Variants in SCN2A observed in about 807,000 individuals in gnomAD.
SCN2A encodes the protein sodium channel protein type 2 subunit alpha.
In SCN2A, 20 loss-of-function variants were observed where a neutral mutation model predicts 188.7. The observed-to-expected ratio is 0.11, with a 90% CI of 0.07 to 0.15. The LOEUF (loss-of-function observed/expected upper bound fraction) is 0.15. Among genes scored for constraint, SCN2A ranks in the 10% least tolerant of loss-of-function variants. The pLI is 1.00. For synonymous variants in SCN2A, 804 were observed against 833.1 expected (o/e 0.97, Z 0.60); for missense variants, 1,278 against 2,445.0 (o/e 0.52, Z 10.07).
chr2:165,338,636 A>G (rs1699144161), intron 14 of SCN2A, among the ~76,000 whole-genome samples: 2 of 152,204 alleles, frequency 1.3e-5, no homozygotes, highest in Admixed American at 1.3e-4. Context: ...TGAACACAGA[A>G]GCAAAAAATC....
At chr2:165,368,832 G>C (rs913911809) in intron 19 of SCN2A, among the ~76,000 whole-genome samples, 1 of 152,084 alleles carries the variant, frequency 6.6e-6, no homozygotes, top group Non-Finnish European at 1.5e-5. Context: ...GGATCTGGAG[G>C]CCTCTAAGGC....
chr2:165,327,157 T>A (rs1574601142), intron 13 of SCN2A, 173 bp downstream of exon 13: 3 of 259,916 alleles, frequency 1.2e-5, no homozygotes, highest in Non-Finnish European at 1.8e-5. Context: ...TTCCACAGAT[T>A]TTTTTTTTTT....
rs965471207 is a variant in SCN2A at position 165,350,421 on chromosome 2, C to CAGG, written c.2920-3769_2920-3767dup. Among the ~76,000 whole-genome samples, 5 of 148,434 alleles carry CAGG rather than the reference C, an allele frequency of 3.4e-5. No individual in the cohort carries two copies. In the East Asian group the frequency reaches 8.1e-4, roughly 24 times the overall value. ...GCTAGCACATTTGTGAAACAGGATT[C>CAGG]AGGATTTCAGTCCCTGAGTGAGCTT... On this transcript the variant is annotated intron_variant, in intron 16 of 26. Coordinates refer to ENST00000375437, the MANE Select transcript of SCN2A (RefSeq NM_001040142.2).
At chr2:165,288,846 A>C (rs1277155591) in intron 1 of SCN2A, among the ~76,000 whole-genome samples, 2 of 152,084 alleles carry the variant, frequency 1.3e-5, no homozygotes, top group South Asian at 2.1e-4. Flanking sequence ...GAACCTATGG[A>C]ATAAGAAAGC....
At chr2:165,329,678 A>G (rs780884722) in intron 13 of SCN2A, among the ~76,000 whole-genome samples, 5 of 152,146 alleles carry the variant, frequency 3.3e-5, no homozygotes, top group Admixed American at 6.6e-5. Flanking sequence ...AGAAAAAACC[A>G]TATTATGGCA....
chr2:165,362,377 A>T (rs983700733), intron 17 of SCN2A, among the ~76,000 whole-genome samples: 1 of 152,036 alleles, frequency 6.6e-6, no homozygotes, highest in African/African-American at 2.4e-5. Flanking sequence ...GTCTTTTATA[A>T]TTTGAAATTC....
intron 1 of SCN2A, among the ~76,000 whole-genome samples, chr2:165,276,065 G>T (rs1695328873): frequency 6.6e-6 from 1 of 152,030 alleles, no homozygotes; most frequent in South Asian, 2.1e-4. Context: ...CAATAATCTA[G>T]GTATTTTGAC....
chr2:165,389,820 A>G lies in SCN2A; in HGVS notation c.6014A>G (p.Lys2005Arg). Residue 2005 changes from lysine (K) to arginine (R), a missense_variant, in exon 27 of 27, where the codon AAG (lysine) becomes AGG (arginine). Lys to Arg is a conservative substitution (Grantham distance 26, BLOSUM62 2). Around this residue, in one of 17 missense-constraint regions of SCN2A, gnomAD observed 109 missense variants for 137.9 expected, o/e 0.79. Coordinates refer to ENST00000375437, the MANE Select transcript of SCN2A (RefSeq NM_001040142.2). This position sits in a 1 kb window ranked among gnomAD's most constrained non-coding sequence, Gnocchi z 4.2. Reference protein sequence around the residue: ...DKGKDIRESKK With the variant: ...DKGKDIRESKR ...GGGAAAGATATCAGGGAAAGTAAAA[A>G]GTAAAAAGAAACCAAGAATTTTCCA... 6.2e-7 allele frequency: 1 copy of G among 1,605,532 alleles called. No individual in the cohort carries two copies. The highest frequency in any genetic ancestry group is 8.5e-7 in the Non-Finnish European group (1 of 1,175,670).
At chr2:165,377,321 G>T in intron 22 of SCN2A, among the ~76,000 whole-genome samples, 1 of 152,014 alleles carries the variant, frequency 6.6e-6, no homozygotes, top group East Asian at 1.9e-4. Flanking sequence ...CAGAGTCAAA[G>T]ATTGTTCATA....
chr2:165,358,198 T>C (rs1559386624), intron 17 of SCN2A, among the ~76,000 whole-genome samples: 1 of 152,178 alleles, frequency 6.6e-6, no homozygotes, highest in Non-Finnish European at 1.5e-5. Flanking sequence ...GTAGGTGCTC[T>C]TTGAAAACTT....
At chr2:165,339,704 A>C (rs6718242) in intron 14 of SCN2A, among the ~76,000 whole-genome samples, 32,791 of 152,142 alleles carry the variant, frequency 0.22, 4,091 homozygotes, top group East Asian at 0.34. Context: ...ATGCAATGGA[A>C]GATTCAATAT....
chr2:165,269,884 A>G (rs190201041), intron 1 of SCN2A: 1 of 151,974 alleles, frequency 6.6e-6, no homozygotes, highest in East Asian at 1.9e-4. Context: ...AACACAACCC[A>G]TTTCTTATCA....
intron 1 of SCN2A, among the ~76,000 whole-genome samples, chr2:165,263,523 A>G (rs1321604157): frequency 1.3e-5 from 2 of 151,838 alleles, no homozygotes; most frequent in Non-Finnish European, 2.9e-5. Context: ...TGCTTTGTCA[A>G]AGCTGTAAAC....
chr2:165,297,981 T>A (rs1354451407), intron 3 of SCN2A, among the ~76,000 whole-genome samples: 1 of 152,194 alleles, frequency 6.6e-6, no homozygotes, highest in Non-Finnish European at 1.5e-5. Flanking sequence ...ACAAGTCTTG[T>A]TGACAGCCAG....
At chr2:165,322,334 C>T (rs1433395893) in intron 11 of SCN2A, among the ~76,000 whole-genome samples, 1 of 152,170 alleles carries the variant, frequency 6.6e-6, no homozygotes, top group Non-Finnish European at 1.5e-5. Flanking sequence ...AGACCCGAGC[C>T]TCAAGTCCTG....
chr2:165,244,789 T>C (rs1365643063), intron 1 of SCN2A, among the ~76,000 whole-genome samples: 3 of 152,144 alleles, frequency 2.0e-5, no homozygotes, highest in Non-Finnish European at 4.4e-5. Flanking sequence ...CTAGGATTAG[T>C]TGGGAGTATA....
intron 14 of SCN2A, among the ~76,000 whole-genome samples, chr2:165,338,217 G>A (rs1699103976): frequency 6.6e-6 from 1 of 151,688 alleles, no homozygotes; most frequent in African/African-American, 2.4e-5. Context: ...TTTAAAGTGG[G>A]GATTTATAAC....
intron 1 of SCN2A, among the ~76,000 whole-genome samples, chr2:165,242,837 G>T (rs941437182): frequency 6.6e-6 from 1 of 152,198 alleles, no homozygotes; most frequent in African/African-American, 2.4e-5. Flanking sequence ...GGAAGAAAGG[G>T]TGGTTGATGA....
chr2:165,291,494 T>TTTCTTTCTTTC (rs1559340326), intron 1 of SCN2A, among the ~76,000 whole-genome samples: 2,621 of 36,448 alleles, frequency 0.072, 211 homozygotes, highest in South Asian at 0.12. Flanking sequence ...TTCTTTCTTT[T>TTTCTTTCTTTC]CTTTCTTTCT....
Sources: gnomAD v4.1 joint callset for allele counts (sites outside exome capture counted in the v4.1 genomes callset) on GRCh38, gnomAD v4.1.1 for gene constraint, gnomAD v4.1.1 regional missense constraint, Gnocchi (gnomAD v3.1) non-coding constraint, MANE v1.5 for transcripts, NCBI Gene and HGNC (gene_info 2026-07-23, HGNC 2026-07-21) for gene names.